The following KCNQ5 variants were observed in gnomAD, a reference collection of about 807,000 sequenced individuals.
The protein encoded by KCNQ5 is potassium voltage-gated channel subfamily KQT member 5.
A neutral mutation model predicts 98.2 loss-of-function variants in KCNQ5; 30 were observed. That is an observed-to-expected ratio of 0.31 (90% CI 0.23 to 0.41). The LOEUF is 0.41. Among genes scored for constraint, KCNQ5 ranks in the 10% least tolerant of loss-of-function variants. The pLI, the probability that KCNQ5 is intolerant of heterozygous loss-of-function variation, is 1.00. For synonymous variants in KCNQ5, 458 were observed against 449.4 expected, an observed-to-expected ratio of 1.02 and a Z score of -0.24; for missense variants, 835 against 1,182.5, an observed-to-expected ratio of 0.71 and a Z score of 4.31.
At position 73,195,565 on chromosome 6, in the gene KCNQ5, A is replaced by C; in HGVS notation, c.*151A>C. The C allele has an allele frequency of 1.0e-6, 1 of 969,208 alleles. No homozygotes were observed. The highest frequency in any genetic ancestry group is 1.5e-6 in the Non-Finnish European group (1 of 665,080). 60.0% of individuals were successfully genotyped at this position (969,208 alleles called of 1,614,324 possible). A position where few individuals can be genotyped will look rare whatever the true frequency, so the allele number is the denominator to read the frequency against. ...AAGCCCGTTACCTTTTAATTGCATGAAAATGCATGTTTAGGGATGGCTAAA... is the reference window on the plus strand; with the variant it reads ...AAGCCCGTTACCTTTTAATTGCATGCAAATGCATGTTTAGGGATGGCTAAA... On this transcript the variant is annotated 3_prime_UTR_variant, in exon 14 of 14. Coordinates refer to ENST00000370398, the MANE Select transcript of KCNQ5 (RefSeq NM_019842.4).
At chr6:73,186,084 C>G (rs1778560873) in intron 11 of KCNQ5, among the ~76,000 whole-genome samples, 2 of 152,074 alleles carry the variant, frequency 1.3e-5, no homozygotes, top group Admixed American at 1.3e-4. Flanking sequence ...TAAAAATTAA[C>G]CGGTGTGGGG....
At chr6:72,689,366 T>G (rs1768102359) in intron 1 of KCNQ5, among the ~76,000 whole-genome samples, 1 of 152,144 alleles carries the variant, frequency 6.6e-6, no homozygotes, top group Non-Finnish European at 1.5e-5. Context: ...AAAGAAGCAT[T>G]CTTCGATCTC....
intron 1 of KCNQ5, among the ~76,000 whole-genome samples, chr6:72,762,167 T>C (rs1368710500): frequency 1.3e-5 from 2 of 151,946 alleles, no homozygotes; most frequent in African/African-American, 2.4e-5. Flanking sequence ...CCATTCCATA[T>C]AGGAAAAATT....
chr6:72,671,827 T>C (rs1050086074), intron 1 of KCNQ5, among the ~76,000 whole-genome samples: 2 of 151,878 alleles, frequency 1.3e-5, no homozygotes, highest in Non-Finnish European at 2.9e-5. Flanking sequence ...TTTTTTTTTT[T>C]CTTTTTTGAG....
intron 1 of KCNQ5, among the ~76,000 whole-genome samples, chr6:72,719,583 T>C (rs1247543058): frequency 1.3e-5 from 2 of 152,250 alleles, no homozygotes; most frequent in Admixed American, 6.5e-5. Flanking sequence ...TCCATAGCCT[T>C]GCACTTTTAA....
chr6:72,706,482 C>A (rs1255640647), intron 1 of KCNQ5, among the ~76,000 whole-genome samples: 1 of 151,824 alleles, frequency 6.6e-6, no homozygotes, highest in Admixed American at 6.6e-5. Context: ...AATCTGAGTC[C>A]ATATGTGAAT....
At chr6:72,798,082 G>A (rs1442845127) in intron 1 of KCNQ5, among the ~76,000 whole-genome samples, 1 of 152,138 alleles carries the variant, frequency 6.6e-6, no homozygotes, top group South Asian at 2.1e-4. Context: ...ACCCATGAGT[G>A]AACTGGGGTG....
At chr6:72,813,884 C>T (rs972734944) in intron 1 of KCNQ5, among the ~76,000 whole-genome samples, 3 of 151,970 alleles carry the variant, frequency 2.0e-5, no homozygotes, top group Non-Finnish European at 4.4e-5. Context: ...TGTTGGTTGA[C>T]TCTGTGGATA....
intron 10 of KCNQ5, among the ~76,000 whole-genome samples, chr6:73,153,875 C>T (rs9343012): frequency 0.35 from 51,128 of 146,880 alleles, 9,800 homozygotes; most frequent in Middle Eastern, 0.47. Flanking sequence ...GTTATGCAAT[C>T]TGTATCAATC....
At chr6:72,840,024 T>A (rs1776718641) in intron 1 of KCNQ5, among the ~76,000 whole-genome samples, 1 of 152,206 alleles carries the variant, frequency 6.6e-6, no homozygotes, top group Non-Finnish European at 1.5e-5. Context: ...TCCCAACCTC[T>A]GGTAACTACC....
rs143557835 is a variant in KCNQ5 at position 72,858,148 on chromosome 6, C to T, written c.399-145760C>T. ...TATATGGAGTACACCTTAGAATAAA[C>T]TTATTCTAAATTTTTCCCATGGCAT... On this transcript the variant is annotated intron_variant, in intron 1 of 13. Coordinates refer to ENST00000370398, the MANE Select transcript of KCNQ5 (RefSeq NM_019842.4). Among the ~76,000 whole-genome samples the T allele has an allele frequency of 9.2e-4, 140 of 152,224 alleles. 2 individuals are homozygous for T. The East Asian group carries it at 0.025, about 27-fold the overall frequency.
intron 1 of KCNQ5, among the ~76,000 whole-genome samples, chr6:72,946,319 A>G (rs1766545372): frequency 6.6e-6 from 1 of 152,226 alleles, no homozygotes; most frequent in Non-Finnish European, 1.5e-5. Flanking sequence ...ATTAAAAGGA[A>G]TAAAAATAAT....
Position 73,039,826 on chromosome 6 carries a change from A to G in KCNQ5, c.490-2110A>G, listed in dbSNP as rs112250407. On this transcript the variant is annotated intron_variant, in intron 2 of 13. Coordinates refer to ENST00000370398, the MANE Select transcript of KCNQ5 (RefSeq NM_019842.4). ...ATGTCTCATATCAGTCAGATCCTGCAGGTTGAATGTGTTGTTCAAATAGTT... is the reference window on the plus strand; with the variant it reads ...ATGTCTCATATCAGTCAGATCCTGCGGGTTGAATGTGTTGTTCAAATAGTT... Among the ~76,000 whole-genome samples the G allele has an allele frequency of 8.4e-3, 1,283 of 152,284 alleles. 8 individuals are homozygous for G. Among genetic ancestry groups the G allele is most frequent in the East Asian group, 0.047 (242 of 5,180 alleles).
intron 1 of KCNQ5, among the ~76,000 whole-genome samples, chr6:72,717,152 G>T (rs1394050166): frequency 6.6e-6 from 1 of 152,222 alleles, no homozygotes. Context: ...AGCAGGAAGT[G>T]CCAGTTATTT....
intron 3 of KCNQ5, among the ~76,000 whole-genome samples, chr6:73,048,991 C>A (rs973620302): frequency 2.0e-4 from 30 of 152,060 alleles, no homozygotes; most frequent in African/African-American, 7.2e-4. Context: ...GAGATGTTAT[C>A]TGAAACTGTA....
intron 1 of KCNQ5, among the ~76,000 whole-genome samples, chr6:72,931,768 G>A (rs1176905357): frequency 6.6e-6 from 1 of 152,110 alleles, no homozygotes; most frequent in Non-Finnish European, 1.5e-5. Flanking sequence ...CTCTGCATGC[G>A]AGGTAATTGC....
At chr6:72,947,232 C>T (rs576836899) in intron 1 of KCNQ5, among the ~76,000 whole-genome samples, 1 of 152,226 alleles carries the variant, frequency 6.6e-6, no homozygotes, top group East Asian at 1.9e-4. Flanking sequence ...TGCTATTTCT[C>T]CTGAGCTTTG....
intron 1 of KCNQ5, among the ~76,000 whole-genome samples, chr6:72,788,947 GT>G (rs947664500): frequency 6.6e-6 from 1 of 152,156 alleles, no homozygotes; most frequent in Non-Finnish European, 1.5e-5. Flanking sequence ...AGGATTAAAA[GT>G]TTTCGACCCT....
intron 9 of KCNQ5, among the ~76,000 whole-genome samples, chr6:73,129,012 T>A (rs1776111501): frequency 6.6e-6 from 1 of 152,176 alleles, no homozygotes; most frequent in African/African-American, 2.4e-5. Flanking sequence ...TCTGCATTTA[T>A]TTTCTGTTAT....
Sources: allele counts gnomAD v4.1 joint callset (sites outside exome capture counted in the v4.1 genomes callset), GRCh38; gene constraint gnomAD v4.1.1; transcripts MANE v1.5; gene names NCBI Gene and HGNC (gene_info 2026-07-23, HGNC 2026-07-21).